SMG6: variants seen among roughly 807,000 people sequenced by gnomAD.
SMG6 encodes SMG6 nonsense mediated mRNA decay factor, also known as telomerase-binding protein EST1A.
A neutral mutation model predicts 142.2 loss-of-function variants in SMG6; 66 were observed. That is an observed-to-expected ratio of 0.46 (90% CI 0.38 to 0.57). The LOEUF (loss-of-function observed/expected upper bound fraction) is 0.57, where lower values mean the gene tolerates loss of function less well. SMG6 is among the 20% of genes least tolerant of loss of function. The pLI, the probability that SMG6 is intolerant of heterozygous loss-of-function variation, is 0.00. For missense variants in SMG6, 1,793 were observed against 1,832.0 expected (o/e 0.98, Z 0.39); for synonymous variants, 779 against 702.4 (o/e 1.11, Z -1.72).
At chr17:2,184,073 A>C (rs1305141368) in intron 12 of SMG6, among the ~76,000 whole-genome samples, 1 of 152,238 alleles carries the variant, frequency 6.6e-6, no homozygotes, top group Non-Finnish European at 1.5e-5. Context: ...ACACAGACAG[A>C]TACACTGGTC....
At chr17:2,248,827 C>A (rs1175995237) in intron 8 of SMG6, among the ~76,000 whole-genome samples, 1 of 151,746 alleles carries the variant, frequency 6.6e-6, no homozygotes, top group East Asian at 1.9e-4. Context: ...TCAAATCGGA[C>A]CTAAACAACA....
chr17:2,060,445 G>A lies in SMG6; in HGVS notation c.*1047C>T, dbSNP rs1163737912. The A allele has an allele frequency of 6.6e-6, 1 of 152,318 alleles. No individual in the cohort carries two copies. Among genetic ancestry groups the A allele is most frequent in the Non-Finnish European group, 1.5e-5 (1 of 68,094 alleles). 9.4% of individuals were successfully genotyped at this position (152,318 alleles called of 1,614,324 possible). On this transcript the variant is annotated 3_prime_UTR_variant, in exon 19 of 19. Coordinates refer to ENST00000263073, the MANE Select transcript of SMG6 (RefSeq NM_017575.5). The stretch of plus-strand genomic sequence containing the variant: ...CGCCTGGAAGTTTCTCCCAGCACAG[G>A]AGCCGAGGGTGGAAGGCCCTGGGTG...
intron 13 of SMG6, among the ~76,000 whole-genome samples, chr17:2,149,563 C>CGAA (rs2070767504): frequency 6.6e-6 from 1 of 152,102 alleles, no homozygotes; most frequent in Admixed American, 6.5e-5. Context: ...TACCAGTGAA[C>CGAA]GAAGGGCTGT....
Position 2,299,912 on chromosome 17 carries a change from G to A in SMG6, c.841C>T (p.Arg281Cys), listed in dbSNP as rs757427316. 17 of 1,614,018 alleles carry A rather than the reference G, an allele frequency of 1.1e-5. No homozygotes were observed. The highest frequency in any genetic ancestry group is 9.9e-5 in the South Asian group (9 of 91,092). The change falls in exon 2 of 19, where the codon CGC (arginine) becomes TGC (cysteine). Residue 281 changes from arginine (R) to cysteine (C), a missense_variant. Arg to Cys is a radical substitution (Grantham distance 180). Coordinates refer to ENST00000263073, the MANE Select transcript of SMG6 (RefSeq NM_017575.5). The surrounding 1 kb of genome is among the most constrained non-coding windows in gnomAD (Gnocchi z 4.3). ...CTCTCCTTGGTCCTATCCTGTCGGC[G>A]GCGGCGACATCCATTATCCGTCAGG... ...AGLTDNGCRR[R>C]RQDRTKERPR...
intron 10 of SMG6, among the ~76,000 whole-genome samples, chr17:2,189,740 G>T (rs2072101736): frequency 6.6e-6 from 1 of 152,170 alleles, no homozygotes; most frequent in African/African-American, 2.4e-5. Context: ...TGCCCCAGGA[G>T]CAAGTATGAT....
At chr17:2,167,690 G>A (rs1046644235) in intron 13 of SMG6, among the ~76,000 whole-genome samples, 1 of 152,130 alleles carries the variant, frequency 6.6e-6, no homozygotes, top group Non-Finnish European at 1.5e-5. Flanking sequence ...AGGCTGTGTT[G>A]GCAATACGTG....
At chr17:2,178,431 T>A (rs964446414) in intron 12 of SMG6, among the ~76,000 whole-genome samples, 4 of 152,132 alleles carry the variant, frequency 2.6e-5, no homozygotes, top group African/African-American at 9.7e-5. Context: ...TCTTTCTCAT[T>A]TATACCAACA....
chr17:2,225,704 T>G (rs1310143151), intron 10 of SMG6, among the ~76,000 whole-genome samples: 1 of 152,200 alleles, frequency 6.6e-6, no homozygotes, highest in Non-Finnish European at 1.5e-5. Flanking sequence ...TTATATTGTT[T>G]AAGAGGAGAA....
chr17:2,256,969 T>C (rs1230481501), intron 8 of SMG6, among the ~76,000 whole-genome samples: 7 of 151,662 alleles, frequency 4.6e-5, no homozygotes, highest in Admixed American at 3.9e-4. Context: ...TGTATGTATG[T>C]ATGTATTTAT....
At chr17:2,190,678 C>T (rs1406354077) in intron 10 of SMG6, among the ~76,000 whole-genome samples, 1 of 152,178 alleles carries the variant, frequency 6.6e-6, no homozygotes, top group Non-Finnish European at 1.5e-5. Flanking sequence ...GTAGCAACAG[C>T]TGGAGTCTCT....
chr17:2,215,890 G>C (rs577209635), intron 10 of SMG6: 9 of 152,422 alleles, frequency 5.9e-5, no homozygotes, highest in African/African-American at 2.2e-4. Context: ...AGAGGAAAGA[G>C]AAGGGCAGGC....
At chr17:2,180,248 T>G (rs948573499) in intron 12 of SMG6, among the ~76,000 whole-genome samples, 1 of 152,166 alleles carries the variant, frequency 6.6e-6, no homozygotes, top group Non-Finnish European at 1.5e-5. Context: ...ATGGGGCAAG[T>G]AGGTGGGCCC....
chr17:2,244,772 G>A lies in SMG6; in HGVS notation c.2662-53C>T, dbSNP rs1483804416. ...ACAATTAAACTTTCCCCAGTTTCCTGTTACTGAACAGAGTCCCCAGTGACA... is the reference window on the plus strand; with the variant it reads ...ACAATTAAACTTTCCCCAGTTTCCTATTACTGAACAGAGTCCCCAGTGACA... On this transcript the variant is annotated intron_variant, in intron 8 of 18. Coordinates refer to ENST00000263073, the MANE Select transcript of SMG6 (RefSeq NM_017575.5). The A allele has an allele frequency of 1.1e-5, 16 of 1,476,808 alleles. No homozygotes were observed. In the East Asian group the frequency reaches 1.1e-4, roughly 10 times the overall value. 91.5% of individuals were successfully genotyped at this position (1,476,808 alleles called of 1,614,324 possible).
In SMG6 at chr17:2,061,597, C is replaced by A; in HGVS notation, c.4155G>T (p.Glu1385Asp). The change falls in exon 19 of 19, where the codon GAG (glutamate) becomes GAT (aspartate). Residue 1385 changes from glutamate (E) to aspartate (D), a missense_variant. Physicochemically the swap from Glu to Asp is conservative, Grantham distance 45 (BLOSUM62 2). This residue lies in a region of SMG6 where 179 missense variants were observed against 212.6 expected (regional missense o/e 0.84). Coordinates refer to ENST00000263073, the MANE Select transcript of SMG6 (RefSeq NM_017575.5). ...SKEEPIRLLREVVLLTDDRNL... is the reference protein window; with the variant it reads ...SKEEPIRLLRDVVLLTDDRNL... ...TCCGGTCATCCGTCAACAGCACCAC[C>A]TCCCGCAGTAGCCGGATTGGCTCCT... The A allele has an allele frequency of 6.4e-7, 1 of 1,572,658 alleles. No individual in the cohort carries two copies. The highest frequency in any genetic ancestry group is 8.6e-7 in the Non-Finnish European group (1 of 1,158,682).
At chr17:2,141,344 T>C (rs1054893941) in intron 13 of SMG6, among the ~76,000 whole-genome samples, 14 of 152,360 alleles carry the variant, frequency 9.2e-5, no homozygotes, top group Admixed American at 8.5e-4. Flanking sequence ...AACTAAGGTG[T>C]GTCAGATATA....
At chr17:2,074,194 A>G (rs1351761124) in intron 15 of SMG6, among the ~76,000 whole-genome samples, 1 of 150,938 alleles carries the variant, frequency 6.6e-6, no homozygotes, top group African/African-American at 2.4e-5. Context: ...CTCCCGCCTC[A>G]GCCTCCTGAG....
chr17:2,073,354 G>T (rs949260321), intron 15 of SMG6, among the ~76,000 whole-genome samples: 2 of 152,034 alleles, frequency 1.3e-5, no homozygotes, highest in Non-Finnish European at 2.9e-5. Context: ...AAAGTGCTGG[G>T]ATTACAGGCG....
intron 13 of SMG6, among the ~76,000 whole-genome samples, chr17:2,170,442 C>G (rs1256121242): frequency 6.6e-6 from 1 of 152,244 alleles, no homozygotes; most frequent in African/African-American, 2.4e-5. Flanking sequence ...CCTCTGGAAT[C>G]AAGACCACCT....
At chr17:2,139,280 C>T (rs1298013329) in intron 13 of SMG6, among the ~76,000 whole-genome samples, 1 of 152,154 alleles carries the variant, frequency 6.6e-6, no homozygotes, top group African/African-American at 2.4e-5. Context: ...AGATTTTTCT[C>T]TTCTGGGAGA....
Sources: allele counts gnomAD v4.1 joint callset (sites outside exome capture counted in the v4.1 genomes callset), GRCh38; gene constraint gnomAD v4.1.1; regional missense constraint gnomAD v4.1.1; non-coding constraint Gnocchi (gnomAD v3.1); transcripts MANE v1.5; gene names NCBI Gene and HGNC (gene_info 2026-07-23, HGNC 2026-07-21).